The following TTLL7 variants were observed in gnomAD, a reference collection of about 807,000 sequenced individuals.
TTLL7 encodes the protein tubulin tyrosine ligase like 7.
A neutral mutation model predicts 120.2 loss-of-function variants in TTLL7; 53 were observed. The observed-to-expected ratio is 0.44, with a 90% CI of 0.35 to 0.55. The LOEUF is 0.55. TTLL7 is among the 20% of genes least tolerant of loss of function. The pLI is 0.00. For synonymous variants in TTLL7, 353 were observed against 351.7 expected, an observed-to-expected ratio of 1.00 and a Z score of -0.04; for missense variants, 803 against 1,054.7, an observed-to-expected ratio of 0.76 and a Z score of 3.31.
At chr1:83,925,189 G>A (rs1234104542) in intron 10 of TTLL7, among the ~76,000 whole-genome samples, 1 of 152,062 alleles carries the variant, frequency 6.6e-6, no homozygotes, top group Admixed American at 6.6e-5. Flanking sequence ...ATCTCCTGGG[G>A]CCCTGTATAT....
chr1:83,987,147 A>G (rs1474578165), intron 1 of TTLL7, among the ~76,000 whole-genome samples: 1 of 152,120 alleles, frequency 6.6e-6, no homozygotes, highest in Non-Finnish European at 1.5e-5. Flanking sequence ...ACACAGGTAT[A>G]ATTTTCCAAA....
intron 19 of TTLL7, among the ~76,000 whole-genome samples, chr1:83,889,604 A>T (rs1489772886): frequency 1.3e-5 from 2 of 152,108 alleles, no homozygotes; most frequent in African/African-American, 4.8e-5. Context: ...AAATCACTTA[A>T]CACATGTAAA....
chr1:83,965,067 C>T (rs1215001562), intron 1 of TTLL7, among the ~76,000 whole-genome samples: 1 of 152,036 alleles, frequency 6.6e-6, no homozygotes, highest in African/African-American at 2.4e-5. Context: ...GTTGCTGGAA[C>T]TCATAGATTA....
Position 83,921,253 on chromosome 1 carries a change from T to C in TTLL7, c.1284A>G (p.Glu428=). Residue 428 remains glutamate, a synonymous_variant, in exon 11 of 21, where the codon GAA becomes GAG. Transcript: ENST00000260505. ...TTTCTTAAAACTTTCATACCAACTCTTCTTTCCGCCTCTCCAACTGGTGTC... is the reference window on the plus strand; with the variant it reads ...TTTCTTAAAACTTTCATACCAACTCCTCTTTCCGCCTCTCCAACTGGTGTC... ...QQRHQLERRK[E]ELKERLAQVR... 1 of 1,612,232 alleles carries C rather than the reference T, an allele frequency of 6.2e-7. No homozygotes were observed. The highest frequency in any genetic ancestry group is 8.5e-7 in the Non-Finnish European group (1 of 1,179,442).
At position 83,890,450 on chromosome 1, in the gene TTLL7, G is replaced by A. The variant is rs745881175; in HGVS notation, c.2240C>T (p.Thr747Ile). The change falls in exon 19 of 21, where the codon ACA becomes ATA. Residue 747 changes from threonine to isoleucine, a missense_variant. Physicochemically the swap from Thr to Ile is moderately conservative, Grantham distance 89. This residue lies in a region of TTLL7 where 388 missense variants were observed against 450.4 expected (regional missense o/e 0.86). Transcript: ENST00000260505. Reference sequence around the variant, plus strand: ...CACCTTCCAGATGCGTGGAAGAACTGTACGAATACTTGTTTTCACTATGTC... The same window carrying A: ...CACCTTCCAGATGCGTGGAAGAACTATACGAATACTTGTTTTCACTATGTC... Reference protein sequence around the residue: ...VLDIVKTSIRTVLPRIWKVPD... With the variant: ...VLDIVKTSIRIVLPRIWKVPD... 8.1e-6 allele frequency: 13 copies of A among 1,612,284 alleles called. No individual in the cohort carries two copies. Among genetic ancestry groups the A allele is most frequent in the Non-Finnish European group, 1.0e-5 (12 of 1,179,248 alleles).
chr1:83,937,771 T>G (rs1254027059), intron 8 of TTLL7, 81 bp downstream of exon 8: 1 of 1,522,862 alleles, frequency 6.6e-7, no homozygotes, highest in African/African-American at 1.4e-5. Context: ...AATCAACTCT[T>G]AATGAACTTT....
At chr1:83,932,330 T>C (rs1005581623) in intron 9 of TTLL7, among the ~76,000 whole-genome samples, 3 of 152,090 alleles carry the variant, frequency 2.0e-5, no homozygotes, top group Non-Finnish European at 4.4e-5. Flanking sequence ...GCAGAAAAAG[T>C]AAGAAATCTA....
intron 1 of TTLL7, among the ~76,000 whole-genome samples, chr1:83,958,037 T>C (rs1176572216): frequency 6.6e-6 from 1 of 152,158 alleles, no homozygotes; most frequent in East Asian, 1.9e-4. Context: ...GAGCTTGCTA[T>C]GGATTGTAAC....
intron 1 of TTLL7, among the ~76,000 whole-genome samples, chr1:83,986,632 G>A (rs1652473623): frequency 6.6e-6 from 1 of 152,156 alleles, no homozygotes; most frequent in South Asian, 2.1e-4. Context: ...ATCACCTGAG[G>A]TCAGGAGTTC....
chr1:83,958,241 C>T (rs971464753), intron 1 of TTLL7, among the ~76,000 whole-genome samples: 3 of 152,006 alleles, frequency 2.0e-5, no homozygotes, highest in African/African-American at 7.2e-5. Flanking sequence ...ATATAATGAA[C>T]AATGATATTG....
In TTLL7 at chr1:83,907,539, G is replaced by A. The variant is rs199978711; in HGVS notation, c.1909C>T (p.Arg637Trp). 1.4e-5 allele frequency: 22 copies of A among 1,613,372 alleles called. No individual in the cohort carries two copies. Among genetic ancestry groups the A allele is most frequent in the East Asian group, 4.5e-5 (2 of 44,856 alleles). The change falls in exon 16 of 21, where the codon CGG (arginine) becomes TGG (tryptophan). Residue 637 changes from arginine to tryptophan, a missense_variant. This residue lies in a region of TTLL7 where 388 missense variants were observed against 450.4 expected (regional missense o/e 0.86). Transcript: ENST00000260505. ...GAAGCACGGTTTAAGGAATGTGACC[G>A]AGATGCAGAAGTTGGCCGTGACACA... ...ISVSRPTSASRSHSLNRASSY... is the reference protein window; with the variant it reads ...ISVSRPTSASWSHSLNRASSY...
chr1:83,930,038 A>T (rs1056545304), intron 9 of TTLL7, among the ~76,000 whole-genome samples: 7 of 152,138 alleles, frequency 4.6e-5, no homozygotes, highest in African/African-American at 1.7e-4. Context: ...ATAATCAAGA[A>T]ATTACCCAGG....
At chr1:83,943,611 A>G (rs1439206186) in intron 6 of TTLL7, among the ~76,000 whole-genome samples, 2 of 152,230 alleles carry the variant, frequency 1.3e-5, no homozygotes, top group East Asian at 1.9e-4. Context: ...GTGGCCATAC[A>G]CAGCAAAGAA....
At position 83,952,222 on chromosome 1, in the gene TTLL7, G is replaced by A; in HGVS notation, c.-11C>T. 6.2e-7 allele frequency: 1 copy of A among 1,613,862 alleles called. No individual in the cohort carries two copies. The highest frequency in any genetic ancestry group is 1.1e-5 in the South Asian group (1 of 91,040). On this transcript the variant is annotated 5_prime_UTR_variant, in exon 2 of 21. Transcript: ENST00000260505. Reference sequence around the variant, plus strand: ...AGGCAGAGATGGCATTATTGCCTGTGCTGATTAGCAAGCAGTGTGTGCTGC... The same window carrying A: ...AGGCAGAGATGGCATTATTGCCTGTACTGATTAGCAAGCAGTGTGTGCTGC...
chr1:83,937,738 C>T, intron 8 of TTLL7, 114 bp downstream of exon 8: 1 of 1,254,760 alleles, frequency 8.0e-7, no homozygotes. Context: ...CTCTGGTCCT[C>T]TCAATTATAG....
chr1:83,942,712 T>C, intron 6 of TTLL7, 33 bp from the exon 7 acceptor site: 1 of 1,505,626 alleles, frequency 6.6e-7, no homozygotes, highest in Non-Finnish European at 9.1e-7. Context: ...AAAGAATGAT[T>C]TGACATAGAG....
intron 1 of TTLL7, among the ~76,000 whole-genome samples, chr1:83,985,837 C>T (rs1334810921): frequency 6.6e-6 from 1 of 151,980 alleles, no homozygotes; most frequent in Non-Finnish European, 1.5e-5. Flanking sequence ...CTTAAAAAAA[C>T]ACAAACTGCC....
rs543314772 is a variant in TTLL7, at chr1:83,882,255, T to A, written c.2543+708A>T. Among the ~76,000 whole-genome samples the A allele has an allele frequency of 3.3e-3, 483 of 148,254 alleles. 2 individuals are homozygous for A. Among genetic ancestry groups the A allele is most frequent in the African/African-American group, 0.011 (461 of 40,624 alleles). On this transcript the variant is annotated intron_variant, in intron 20 of 20. Coordinates refer to ENST00000260505, the MANE Select transcript of TTLL7 (RefSeq NM_024686.6). ...AAGTATAATAATAATAAAATAAAAA[T>A]AATAATAATAATAATTAAATAAAAC...
At chr1:83,994,825 G>A (rs1653335321) in intron 1 of TTLL7, among the ~76,000 whole-genome samples, 1 of 152,192 alleles carries the variant, frequency 6.6e-6, no homozygotes, top group Non-Finnish European at 1.5e-5. Flanking sequence ...GCTCACAGCT[G>A]TGCCTTGCAA....
Sources: gnomAD v4.1 joint callset for allele counts (sites outside exome capture counted in the v4.1 genomes callset) on GRCh38, gnomAD v4.1.1 for gene constraint, gnomAD v4.1.1 regional missense constraint, MANE v1.5 for transcripts, NCBI Gene and HGNC (gene_info 2026-07-23, HGNC 2026-07-21) for gene names.